The following CDH13 variants were observed in gnomAD, a reference collection of about 807,000 sequenced individuals.
The protein encoded by CDH13 is cadherin 13.
Under a neutral mutation model 63.8 loss-of-function variants are expected in CDH13, and 24 were observed. The ratio of observed to expected loss-of-function variants is 0.38; its 90% CI spans 0.27 to 0.53. The LOEUF is 0.53. Among genes scored for constraint, CDH13 ranks in the 20% least tolerant of loss-of-function variants. The pLI is 0.85. For synonymous variants in CDH13, 503 were observed against 355.3 expected (o/e 1.42, Z -4.67); for missense variants, 1,049 against 903.1 (o/e 1.16, Z -2.07).
At chr16:83,002,919 T>A (rs1186001114) in intron 2 of CDH13, among the ~76,000 whole-genome samples, 1 of 152,234 alleles carries the variant, frequency 6.6e-6, no homozygotes, top group Non-Finnish European at 1.5e-5. Flanking sequence ...ACCCATTGAC[T>A]TAACACTTAT....
intron 5 of CDH13, among the ~76,000 whole-genome samples, chr16:83,299,466 T>C (rs1211509027): frequency 2.6e-5 from 4 of 152,158 alleles, no homozygotes; most frequent in Non-Finnish European, 5.9e-5. Flanking sequence ...CCACCATTCT[T>C]CCCCCAAGTC....
chr16:83,207,699 A>G (rs551911575), intron 4 of CDH13, among the ~76,000 whole-genome samples: 1 of 152,106 alleles, frequency 6.6e-6, no homozygotes, highest in African/African-American at 2.4e-5. Context: ...CCACATTAGT[A>G]TATAATTATT....
intron 10 of CDH13, among the ~76,000 whole-genome samples, chr16:83,747,787 C>G (rs895651755): frequency 1.3e-5 from 2 of 149,314 alleles, no homozygotes; most frequent in Admixed American, 1.4e-4. Flanking sequence ...GTGAAAGAAA[C>G]AAGACTGGAC....
At chr16:83,036,862 C>T (rs979742613) in intron 3 of CDH13, among the ~76,000 whole-genome samples, 1 of 152,138 alleles carries the variant, frequency 6.6e-6, no homozygotes, top group Non-Finnish European at 1.5e-5. Flanking sequence ...CCATACACCC[C>T]ACACAAGCCA....
intron 5 of CDH13, among the ~76,000 whole-genome samples, chr16:83,280,667 A>G (rs1245253424): frequency 7.1e-6 from 1 of 140,178 alleles, no homozygotes; most frequent in East Asian, 2.1e-4. Flanking sequence ...AAGAAATCAT[A>G]TGCCAGCTAT....
At chr16:83,539,344 A>G (rs562400792) in intron 7 of CDH13, among the ~76,000 whole-genome samples, 48 of 152,260 alleles carry the variant, frequency 3.2e-4, no homozygotes, top group African/African-American at 1.1e-3. Flanking sequence ...ATCTGACAGG[A>G]GGCGGAGCTC....
chr16:82,843,232 G>C (rs1207921372), intron 1 of CDH13, among the ~76,000 whole-genome samples: 1 of 152,174 alleles, frequency 6.6e-6, no homozygotes, highest in Non-Finnish European at 1.5e-5. Flanking sequence ...TTGACAATTA[G>C]TGTATATTGT....
intron 2 of CDH13, among the ~76,000 whole-genome samples, chr16:82,905,104 G>C (rs557583810): frequency 6.6e-6 from 1 of 152,294 alleles, no homozygotes; most frequent in South Asian, 2.1e-4. Flanking sequence ...AGGGAAGTAG[G>C]GGGAAGCAGA....
chr16:83,618,099 A>G (rs895809259), intron 8 of CDH13, among the ~76,000 whole-genome samples: 13 of 152,204 alleles, frequency 8.5e-5, no homozygotes, highest in African/African-American at 3.1e-4. Context: ...CTTGACAACA[A>G]AGACAATCAG....
chr16:83,677,877 C>T (rs746956697), intron 9 of CDH13, among the ~76,000 whole-genome samples: 5 of 152,016 alleles, frequency 3.3e-5, no homozygotes, highest in Non-Finnish European at 7.4e-5. Flanking sequence ...GAGGGAGGCT[C>T]ACTAAGGTTC....
intron 1 of CDH13, among the ~76,000 whole-genome samples, chr16:82,835,233 T>C (rs2038715274): frequency 6.6e-6 from 1 of 152,218 alleles, no homozygotes; most frequent in Admixed American, 6.5e-5. Context: ...ACTCACCACA[T>C]TTCAGGGGTT....
At chr16:83,105,413 A>G (rs1307661031) in intron 3 of CDH13, among the ~76,000 whole-genome samples, 2 of 152,226 alleles carry the variant, frequency 1.3e-5, no homozygotes, top group African/African-American at 4.8e-5. Flanking sequence ...TGCACCATCC[A>G]CATCAACAGC....
chr16:82,951,077 C>T (rs1402431765), intron 2 of CDH13, among the ~76,000 whole-genome samples: 1 of 152,140 alleles, frequency 6.6e-6, no homozygotes, highest in East Asian at 1.9e-4. Flanking sequence ...TCCCTTGGCT[C>T]AATCTTCAAT....
At chr16:83,364,021 C>G (rs536267306) in intron 6 of CDH13, among the ~76,000 whole-genome samples, 1 of 152,122 alleles carries the variant, frequency 6.6e-6, no homozygotes, top group Non-Finnish European at 1.5e-5. Flanking sequence ...ACTCACCCCT[C>G]CAATTTAGCT....
chr16:83,246,055 T>A (rs1904961750), intron 5 of CDH13, among the ~76,000 whole-genome samples: 1 of 152,212 alleles, frequency 6.6e-6, no homozygotes, highest in Admixed American at 6.5e-5. Flanking sequence ...TATTTCTTGT[T>A]TGACCAGGAT....
chr16:82,649,775 G>T (rs1948648835), intron 1 of CDH13, among the ~76,000 whole-genome samples: 1 of 152,216 alleles, frequency 6.6e-6, no homozygotes, highest in Admixed American at 6.5e-5. Context: ...AAGGACACCA[G>T]ACTGCCTGGG....
Position 83,503,775 on chromosome 16 carries a change from G to A in CDH13, c.960+17120G>A, listed in dbSNP as rs543186550. ...TCTTGTAAATTTGTTTAAGTTCCTT[G>A]TAAATTCTAGATATAAGACCTTTGC... On this transcript the variant is annotated intron_variant, in intron 7 of 13. Coordinates refer to ENST00000567109, the MANE Select transcript of CDH13 (RefSeq NM_001257.5). Among the ~76,000 whole-genome samples, 3 of 152,132 alleles carry A rather than the reference G, an allele frequency of 2.0e-5. No individual in the cohort carries two copies. The South Asian group carries it at 6.2e-4, about 32-fold the overall frequency.
chr16:83,090,280 G>A (rs2033828660), intron 3 of CDH13, among the ~76,000 whole-genome samples: 1 of 152,086 alleles, frequency 6.6e-6, no homozygotes, highest in African/African-American at 2.4e-5. Context: ...GAGATGCCAA[G>A]CCATTCGTTT....
In CDH13 at chr16:83,522,271, G is replaced by A. The variant is rs919375286; in HGVS notation, c.960+35616G>A. 5.3e-5 allele frequency among the ~76,000 whole-genome samples: 8 copies of A among 152,204 alleles called. No homozygotes were observed. In the East Asian group the frequency reaches 7.7e-4, roughly 15 times the overall value. ...CTTCGGGTCCATTATAATGGATCAC[G>A]TCAAAATGTAGCCTGCCATTGTTTT... On this transcript the variant is annotated intron_variant, in intron 7 of 13. Coordinates refer to ENST00000567109, the MANE Select transcript of CDH13 (RefSeq NM_001257.5).
Sources: allele counts gnomAD v4.1 joint callset (sites outside exome capture counted in the v4.1 genomes callset), GRCh38; gene constraint gnomAD v4.1.1; transcripts MANE v1.5; gene names NCBI Gene and HGNC (gene_info 2026-07-23, HGNC 2026-07-21).